Variants in TTC23 observed in about 807,000 individuals in gnomAD.
The protein encoded by TTC23 is tetratricopeptide repeat domain 23, also known as tetratricopeptide repeat protein 23.
TTC23 carries 58 observed loss-of-function variants against 55.1 expected under a neutral mutation model. That is an observed-to-expected ratio of 1.05 (90% CI 0.85 to 1.31). TTC23 has a LOEUF of 1.31. Among genes scored for constraint, TTC23 ranks in the 50% most tolerant of loss-of-function variants. The pLI is 0.00. For missense variants in TTC23, 516 were observed against 534.4 expected (o/e 0.97, Z 0.34); for synonymous variants, 203 against 199.9 (o/e 1.02, Z -0.13).
intron 10 of TTC23, among the ~76,000 whole-genome samples, chr15:99,165,001 A>C (rs866137985): frequency 1.9e-4 from 29 of 152,060 alleles, no homozygotes; most frequent in African/African-American, 7.0e-4. Flanking sequence ...TATATTAATA[A>C]CTCCCTTATA....
At chr15:99,212,278 G>A (rs1289964560) in intron 8 of TTC23, among the ~76,000 whole-genome samples, 2 of 152,052 alleles carry the variant, frequency 1.3e-5, no homozygotes, top group African/African-American at 2.4e-5. Flanking sequence ...GTGTGTGTGT[G>A]TGTGTGTGTG....
intron 8 of TTC23, among the ~76,000 whole-genome samples, chr15:99,208,269 T>C (rs966367203): frequency 2.6e-5 from 4 of 151,870 alleles, no homozygotes; most frequent in African/African-American, 7.3e-5. Flanking sequence ...TATACACACA[T>C]ATATATATGC....
intron 1 of TTC23, among the ~76,000 whole-genome samples, chr15:99,248,958 T>C (rs2080497226): frequency 6.6e-6 from 1 of 152,108 alleles, no homozygotes; most frequent in Admixed American, 6.6e-5. Flanking sequence ...TACACAAAAT[T>C]TGGGTTCAAG....
intron 4 of TTC23, among the ~76,000 whole-genome samples, chr15:99,234,427 G>C (rs2079152693): frequency 6.6e-6 from 1 of 152,204 alleles, no homozygotes; most frequent in Non-Finnish European, 1.5e-5. Flanking sequence ...CTGGAGTGCA[G>C]TGGCGTGATC....
chr15:99,213,214 TAC>T (rs1464851499), intron 8 of TTC23, among the ~76,000 whole-genome samples: 3 of 152,216 alleles, frequency 2.0e-5, no homozygotes, highest in Non-Finnish European at 4.4e-5. Context: ...ATGAAAATTA[TAC>T]AGTTTAAACA....
intron 9 of TTC23, among the ~76,000 whole-genome samples, chr15:99,199,575 A>C (rs2076033283): frequency 1.3e-5 from 2 of 152,018 alleles, no homozygotes. Context: ...TAACAGACAT[A>C]ACTCTAGGTG....
chr15:99,206,118 G>A (rs1279729386), intron 8 of TTC23, among the ~76,000 whole-genome samples: 1 of 152,128 alleles, frequency 6.6e-6, no homozygotes, highest in Non-Finnish European at 1.5e-5. Flanking sequence ...TTGATGTGAG[G>A]TATCATATTT....
intron 5 of TTC23, among the ~76,000 whole-genome samples, chr15:99,222,219 C>G (rs981859590): frequency 6.6e-6 from 1 of 152,190 alleles, no homozygotes; most frequent in African/African-American, 2.4e-5. Flanking sequence ...TATGCAGGCA[C>G]AACAGGGGCA....
chr15:99,209,308 G>T (rs995386921), intron 8 of TTC23, among the ~76,000 whole-genome samples: 7 of 152,190 alleles, frequency 4.6e-5, no homozygotes, highest in Non-Finnish European at 8.8e-5. Flanking sequence ...AATCTGATGA[G>T]AAACCAATCC....
intron 8 of TTC23, among the ~76,000 whole-genome samples, chr15:99,209,060 T>C (rs2076841421): frequency 6.6e-6 from 1 of 152,244 alleles, no homozygotes; most frequent in Non-Finnish European, 1.5e-5. Flanking sequence ...AGCCATGGCA[T>C]ATTTTATTGA....
intron 9 of TTC23, among the ~76,000 whole-genome samples, chr15:99,184,725 T>C (rs1423574909): frequency 6.6e-6 from 1 of 152,170 alleles, no homozygotes; most frequent in South Asian, 2.1e-4. Context: ...AACGTTGGAA[T>C]GAGTTAAGAC....
At chr15:99,211,107 G>A (rs915180700) in intron 8 of TTC23, among the ~76,000 whole-genome samples, 1 of 152,202 alleles carries the variant, frequency 6.6e-6, no homozygotes, top group African/African-American at 2.4e-5. Context: ...GGGTGCAGTG[G>A]CTCATGCCTG....
intron 4 of TTC23, among the ~76,000 whole-genome samples, chr15:99,230,588 T>A (rs1481487480): frequency 1.3e-5 from 2 of 151,992 alleles, no homozygotes; most frequent in East Asian, 1.9e-4. Flanking sequence ...AAAACTATGA[T>A]AAAGCAAAAA....
chr15:99,209,250 T>C (rs901094134), intron 8 of TTC23, among the ~76,000 whole-genome samples: 4 of 152,192 alleles, frequency 2.6e-5, no homozygotes, highest in Admixed American at 2.0e-4. Flanking sequence ...GGCAAGAATA[T>C]TGAGCACCAG....
At position 99,203,700 on chromosome 15, in the gene TTC23, C is replaced by T. The variant is rs566362265; in HGVS notation, c.582-3604G>A. Among the ~76,000 whole-genome samples the T allele has an allele frequency of 7.5e-4, 114 of 151,074 alleles. 1 individual carries two copies. Among genetic ancestry groups the T allele is most frequent in the Middle Eastern group, 6.8e-3 (2 of 294 alleles). ...CATGAGTTCAATTTTTCTTTTTTTT[C>T]TTTCTTTTTTTTTTAAATCTTTTTA... On this transcript the variant is annotated intron_variant, in intron 8 of 13. Transcript: ENST00000394132.
At chr15:99,140,141 G>A in intron 12 of TTC23, 1 of 178,494 alleles carries the variant, frequency 5.6e-6, no homozygotes, top group African/African-American at 2.4e-5. Context: ...AAAGACCAGT[G>A]GAACAGGGCA....
chr15:99,168,778 C>A (rs2072508773), intron 10 of TTC23, among the ~76,000 whole-genome samples: 1 of 152,196 alleles, frequency 6.6e-6, no homozygotes, highest in Non-Finnish European at 1.5e-5. Flanking sequence ...TCTCCTCCTC[C>A]TCCACTGGCC....
upstream of TTC23, among the ~76,000 whole-genome samples, chr15:99,250,447 T>A (rs1414683659): frequency 6.6e-6 from 1 of 152,220 alleles, no homozygotes; most frequent in African/African-American, 2.4e-5. Context: ...TTAAAGTTCC[T>A]TGACAAGGAG....
Position 99,137,746 on chromosome 15 carries a change from G to A in TTC23, c.*264C>T. 2.1e-6 allele frequency: 1 copy of A among 473,902 alleles called. No individual in the cohort carries two copies. The highest frequency in any genetic ancestry group is 3.8e-6 in the Non-Finnish European group (1 of 264,424). 29.4% of individuals were successfully genotyped at this position (473,902 alleles called of 1,614,324 possible). On this transcript the variant is annotated 3_prime_UTR_variant, in exon 14 of 14. Transcript: ENST00000394132. ...GAAGTTTTTCAGCCACAGTAGTGCT[G>A]ATGGGTAAAAATTCTTGTTGGCAAG...
Sources: allele counts gnomAD v4.1 joint callset (sites outside exome capture counted in the v4.1 genomes callset), GRCh38; gene constraint gnomAD v4.1.1; transcripts MANE v1.5; gene names NCBI Gene and HGNC (gene_info 2026-07-23, HGNC 2026-07-21).